Variants in SZT2 observed in about 807,000 individuals in gnomAD.
SZT2 encodes KICSTOR complex protein SZT2.
SZT2 carries 216 observed loss-of-function variants against 404.2 expected under a neutral mutation model. That is an observed-to-expected ratio of 0.53 (90% CI 0.48 to 0.60). SZT2 has a LOEUF of 0.60. Ranked by LOEUF, SZT2 falls within the 20% of genes least tolerant of loss-of-function variation. The probability of loss-of-function intolerance (pLI) is 0.00; values close to 1 mark genes in which losing one functional copy is unlikely to be tolerated. For missense variants in SZT2, 3,857 were observed against 4,459.2 expected, an observed-to-expected ratio of 0.86 and a Z score of 3.85; for synonymous variants, 1,693 against 1,749.9, an observed-to-expected ratio of 0.97 and a Z score of 0.81.
Position 43,397,482 on chromosome 1 carries a change from T to G in SZT2, c.28-5695T>G, listed in dbSNP as rs372254150. 8.6e-5 allele frequency among the ~76,000 whole-genome samples: 13 copies of G among 151,298 alleles called. No individual in the cohort carries two copies. In the South Asian group the frequency reaches 2.7e-3, roughly 32 times the overall value. ...GACATGGCCTCCACCTCGCTGGATC[T>G]TCAGACTTATACAGGAAACAAACAT... is the stretch of plus-strand genomic sequence containing the variant. On this transcript the variant is annotated intron_variant, in intron 1 of 71. Coordinates refer to ENST00000634258, the MANE Select transcript of SZT2 (RefSeq NM_001365999.1).
Position 43,432,821 on chromosome 1 carries a change from A to C in SZT2, c.5602+22A>C, listed in dbSNP as rs1570679072. The C allele has an allele frequency of 3.1e-6, 5 of 1,613,004 alleles. No homozygotes were observed. The East Asian group carries it at 1.1e-4, about 36-fold the overall frequency. On this transcript the variant is annotated intron_variant, in intron 39 of 71. Transcript: ENST00000634258. ...CTAGGTAAGCTGGGGGGACGGGGTG[A>C]AGGACTCTAAGCTGATGGGAGGTGG...
rs112461557 is a variant in SZT2, at chr1:43,438,733, A to G, written c.6543A>G (p.Leu2181=). 10,120 of 1,614,064 alleles carry G rather than the reference A, an allele frequency of 6.3e-3. 54 individuals carry two copies. The highest frequency in any genetic ancestry group is 7.2e-3 in the Non-Finnish European group (8,477 of 1,179,984). The stretch of plus-strand genomic sequence containing the variant: ...TCACGGATGAGCTCGTGCGAGTTCT[A>G]TGTCGGCGCCTGGATGAGGCCACGC... The part of the protein sequence containing the change: ...PEITDELVRV[L]CRRLDEATLD... Residue 2181 remains leucine, a synonymous_variant, in exon 47 of 72, where the codon CTA becomes CTG. Coordinates refer to ENST00000634258, the MANE Select transcript of SZT2 (RefSeq NM_001365999.1).
Position 43,434,482 on chromosome 1 carries a change from C to T in SZT2, c.5901C>T (p.Asn1967=). The change falls in exon 41 of 72, where the codon AAC becomes AAT. Residue 1967 remains asparagine (N), a synonymous_variant. Transcript: ENST00000634258. The part of the protein sequence containing the change: ...RRVGEICREV[N]QRLLLQDLHD... ...TTGGGGAGATCTGCAGGGAGGTCAA[C>T]CAGGTAAGGGGCAGGACTCTCCAGA... 1.3e-6 allele frequency: 2 copies of T among 1,591,740 alleles called. No homozygotes were observed. The highest frequency in any genetic ancestry group is 8.5e-7 in the Non-Finnish European group (1 of 1,170,464).
intron 6 of SZT2, 90 bp downstream of exon 6, chr1:43,416,191 T>G (rs1651701308): frequency 1.4e-6 from 2 of 1,481,212 alleles, no homozygotes; most frequent in Admixed American, 4.1e-5. Flanking sequence ...TTCCAGGGAA[T>G]CAGTGGGCCC....
chr1:43,429,475 G>GT (rs1194551488), intron 28 of SZT2: 1 of 525,090 alleles, frequency 1.9e-6, no homozygotes, highest in Non-Finnish European at 3.4e-6. Flanking sequence ...CAGCAACAGA[G>GT]TAAGACTCTG....
Position 43,403,305 on chromosome 1 carries a change from G to A in SZT2, c.153+3G>A. 1 of 1,613,050 alleles carries A rather than the reference G, an allele frequency of 6.2e-7. No individual in the cohort carries two copies. The highest frequency in any genetic ancestry group is 2.2e-5 in the East Asian group (1 of 44,878). ...AGGCCACACCCCAGGAGATGCTGGT[G>A]AGGCTTAGACACACGAAAGGTGTGA... On this transcript the variant is annotated splice_donor_region_variant and intron_variant, in intron 2 of 71. Transcript: ENST00000634258.
Position 43,438,977 on chromosome 1 carries a change from C to T in SZT2, c.6676C>T (p.Leu2226=), listed in dbSNP as rs1654760755. 6.2e-7 allele frequency: 1 copy of T among 1,614,224 alleles called. No homozygotes were observed. Among genetic ancestry groups the T allele is most frequent in the East Asian group, 2.2e-5 (1 of 44,882 alleles). Residue 2226 remains leucine (L), a synonymous_variant, in exon 48 of 72, where the codon CTA becomes TTA. Transcript: ENST00000634258. ...SLPSEVLHLA[L]PTSCRPWLPA... ...CCCCTCAGAGGTGCTGCATCTGGCC[C>T]TACCCACCTCCTGCAGGCCCTGGCT...
chr1:43,398,214 A>G (rs145577247), intron 1 of SZT2, among the ~76,000 whole-genome samples: 1 of 152,358 alleles, frequency 6.6e-6, no homozygotes, highest in African/African-American at 2.4e-5. Flanking sequence ...AAGTTGTACT[A>G]ATTATGATTA....
chr1:43,449,156 G>C (rs929024531), intron 70 of SZT2: 1 of 198,326 alleles, frequency 5.0e-6, no homozygotes, highest in African/African-American at 2.4e-5. Flanking sequence ...GTTGACTCGG[G>C]ATCTGCAGGT....
At chr1:43,398,462 C>A (rs540854466) in intron 1 of SZT2, among the ~76,000 whole-genome samples, 1 of 152,066 alleles carries the variant, frequency 6.6e-6, no homozygotes, top group Non-Finnish European at 1.5e-5. Context: ...CAAAAAAATT[C>A]TTTTTTAAAA....
intron 4 of SZT2, chr1:43,406,996 T>C (rs963785930): frequency 6.6e-6 from 1 of 152,200 alleles, no homozygotes; most frequent in Admixed American, 6.5e-5. Flanking sequence ...CATGTCTACA[T>C]TGGGAAGATC....
Position 43,447,140 on chromosome 1 carries a change from C to T in SZT2, c.9258C>T (p.Pro3086=), listed in dbSNP as rs1570737570. 1 of 1,613,120 alleles carries T rather than the reference C, an allele frequency of 6.2e-7. No homozygotes were observed. Among genetic ancestry groups the T allele is most frequent in the East Asian group, 2.2e-5 (1 of 44,868 alleles). ...RHFLAHHPDG[P]HFGRNHIYQG... ...TCCTGGCCCACCACCCTGACGGACC[C>T]CACTTTGGCCGCAATCACATTTACC... Residue 3086 remains proline, a synonymous_variant, in exon 66 of 72, where the codon CCC becomes CCT. Transcript: ENST00000634258.
intron 7 of SZT2, among the ~76,000 whole-genome samples, chr1:43,418,271 C>T (rs1330110689): frequency 2.0e-5 from 3 of 152,038 alleles, no homozygotes; most frequent in Non-Finnish European, 4.4e-5. Flanking sequence ...AAGCTAGAGA[C>T]TTAAGCATGT....
Position 43,448,174 on chromosome 1 carries a change from C to G in SZT2, c.9659C>G (p.Pro3220Arg), listed in dbSNP as rs562810276. Residue 3220 changes from proline to arginine, a missense_variant, in exon 69 of 72, where the codon CCT becomes CGT. Physicochemically the swap from Pro to Arg is moderately radical, Grantham distance 103 (BLOSUM62 -2). Coordinates refer to ENST00000634258, the MANE Select transcript of SZT2 (RefSeq NM_001365999.1). This position sits in a 1 kb window ranked among gnomAD's most constrained non-coding sequence, Gnocchi z 4.2. ...RRFRKPPRLP[P>R]EPEAPGSSAG... ...TTCCGGAAGCCACCCAGACTGCCCC[C>G]TGAGCCAGAGGCTCCTGGGAGTTCA... 1.9e-6 allele frequency: 3 copies of G among 1,612,002 alleles called. No homozygotes were observed. The highest frequency in any genetic ancestry group is 3.3e-5 in the Admixed American group (2 of 59,942).
intron 7 of SZT2, among the ~76,000 whole-genome samples, chr1:43,417,864 G>A (rs1435602787): frequency 6.6e-6 from 1 of 152,152 alleles, no homozygotes; most frequent in Non-Finnish European, 1.5e-5. Flanking sequence ...AGTGTTCAAG[G>A]TCTTTCATAG....
At chr1:43,409,239 G>C (rs781413063) in intron 4 of SZT2, among the ~76,000 whole-genome samples, 6 of 152,156 alleles carry the variant, frequency 3.9e-5, no homozygotes, top group Non-Finnish European at 7.3e-5. Flanking sequence ...CAGAGAGTTA[G>C]AGAGTAGTGT....
rs752938990 is a variant in SZT2 at position 43,432,972 on chromosome 1, C to G, written c.5603-17C>G. On this transcript the variant is annotated splice_polypyrimidine_tract_variant and intron_variant, in intron 39 of 71. Coordinates refer to ENST00000634258, the MANE Select transcript of SZT2 (RefSeq NM_001365999.1). ...CCCAGCTTCGGATGGGATTGACCTTCAATGCATCTGACACAGGTTATGATG... is the reference window on the plus strand; with the variant it reads ...CCCAGCTTCGGATGGGATTGACCTTGAATGCATCTGACACAGGTTATGATG... 15 of 1,613,444 alleles carry G rather than the reference C, an allele frequency of 9.3e-6. 1 individual carries two copies. The South Asian group carries it at 1.6e-4, about 18-fold the overall frequency.
intron 7 of SZT2, among the ~76,000 whole-genome samples, chr1:43,417,187 A>C (rs1028908338): frequency 3.9e-5 from 6 of 152,234 alleles, no homozygotes; most frequent in African/African-American, 1.4e-4. Context: ...TGTTTTATAA[A>C]GGTCACTCTT....
At chr1:43,435,091 A>G in intron 41 of SZT2, 109 bp from the exon 42 acceptor site, 1 of 1,322,742 alleles carries the variant, frequency 7.6e-7, no homozygotes, top group Admixed American at 2.0e-5. Flanking sequence ...GTTGACCTCC[A>G]ATCCCCAGTG....
Sources: allele counts gnomAD v4.1 joint callset (sites outside exome capture counted in the v4.1 genomes callset), GRCh38; gene constraint gnomAD v4.1.1; non-coding constraint Gnocchi (gnomAD v3.1); transcripts MANE v1.5; gene names NCBI Gene and HGNC (gene_info 2026-07-23, HGNC 2026-07-21).